The following GRIN2A variants were observed in gnomAD, a reference collection of about 807,000 sequenced individuals.
GRIN2A encodes glutamate ionotropic receptor NMDA type subunit 2A.
Under a neutral mutation model 113.4 loss-of-function variants are expected in GRIN2A, and 22 were observed. The observed-to-expected ratio is 0.19, with a 90% confidence interval of 0.14 to 0.28. The LOEUF (loss-of-function observed/expected upper bound fraction) is 0.28, where lower values mean the gene tolerates loss of function less well. GRIN2A is among the 10% of genes least tolerant of loss of function. GRIN2A has a pLI of 1.00. For synonymous variants in GRIN2A, 827 were observed against 738.4 expected (o/e 1.12, Z -1.94); for missense variants, 1,502 against 1,887.0 (o/e 0.80, Z 3.78).
At chr16:10,131,187 G>A (rs889785083) in intron 2 of GRIN2A, among the ~76,000 whole-genome samples, 1 of 152,176 alleles carries the variant, frequency 6.6e-6, no homozygotes, top group African/African-American at 2.4e-5. Flanking sequence ...GCATGCTGTG[G>A]GTGATCGATA....
At chr16:9,821,986 C>T (rs1002021037) in intron 10 of GRIN2A, among the ~76,000 whole-genome samples, 2 of 152,102 alleles carry the variant, frequency 1.3e-5, no homozygotes, top group African/African-American at 4.8e-5. Flanking sequence ...TTAAAATATC[C>T]TATGGAGTTG....
chr16:10,141,494 T>C (rs72776067), intron 2 of GRIN2A, among the ~76,000 whole-genome samples: 11,104 of 151,742 alleles, frequency 0.073, 605 homozygotes, highest in Non-Finnish European at 0.1. Flanking sequence ...TCTAAAAAAA[T>C]GAAATAAAAT....
intron 2 of GRIN2A, among the ~76,000 whole-genome samples, chr16:10,137,227 C>A (rs1375758827): frequency 6.6e-6 from 1 of 152,234 alleles, no homozygotes; most frequent in Non-Finnish European, 1.5e-5. Context: ...AAAGCCCCAA[C>A]AGCACATGCT....
chr16:9,803,344 T>G (rs1173666701), intron 10 of GRIN2A, among the ~76,000 whole-genome samples: 1 of 151,830 alleles, frequency 6.6e-6, no homozygotes, highest in Non-Finnish European at 1.5e-5. Flanking sequence ...GAGGCAGAAG[T>G]TGCAGTGAGC....
At chr16:10,083,993 T>G (rs2048035702) in intron 2 of GRIN2A, among the ~76,000 whole-genome samples, 1 of 152,076 alleles carries the variant, frequency 6.6e-6, no homozygotes, top group Non-Finnish European at 1.5e-5. Flanking sequence ...TCCCAGCTAC[T>G]TGGGGGTTGA....
chr16:9,853,537 A>G (rs1464475446), intron 4 of GRIN2A, among the ~76,000 whole-genome samples: 1 of 152,210 alleles, frequency 6.6e-6, no homozygotes, highest in African/African-American at 2.4e-5. Context: ...CCCAGTCTCC[A>G]GAAGCATGAG....
At chr16:9,853,276 C>T (rs1002799246) in intron 4 of GRIN2A, among the ~76,000 whole-genome samples, 1 of 152,138 alleles carries the variant, frequency 6.6e-6, no homozygotes, top group African/African-American at 2.4e-5. Context: ...TGAATATTTG[C>T]GTCCCTCCAA....
Position 9,764,051 on chromosome 16 carries a change from G to T in GRIN2A, c.3493C>A (p.Leu1165Met), listed in dbSNP as rs2141131675. Reference protein sequence around the residue: ...SENFRKGDSTLPMNRNPLHNE... With the variant: ...SENFRKGDSTMPMNRNPLHNE... ...TGCAAGGGGTTCCGGTTCATTGGCA[G>T]CGTGGAGTCCCCCTTGCGGAAGTTT... Residue 1165 changes from leucine (L) to methionine (M), a missense_variant, in exon 13 of 13, where the codon CTG becomes ATG. Physicochemically the swap from Leu to Met is conservative, Grantham distance 15 (BLOSUM62 2). Around this residue, in one of 7 missense-constraint regions of GRIN2A, gnomAD observed 832 missense variants for 789.7 expected, o/e 1.05. Coordinates refer to ENST00000330684, the MANE Select transcript of GRIN2A (RefSeq NM_001134407.3). The T allele has an allele frequency of 2.5e-6, 4 of 1,613,888 alleles. No individual in the cohort carries two copies. The highest frequency in any genetic ancestry group is 3.4e-6 in the Non-Finnish European group (4 of 1,179,808).
intron 3 of GRIN2A, among the ~76,000 whole-genome samples, chr16:9,926,473 G>A (rs1320958989): frequency 6.6e-6 from 1 of 152,180 alleles, no homozygotes; most frequent in African/African-American, 2.4e-5. Context: ...AAGCATATAG[G>A]ATAAGAGAGA....
chr16:10,003,362 T>C lies in GRIN2A; in HGVS notation c.415-64811A>G, dbSNP rs375230454. Among the ~76,000 whole-genome samples the C allele has an allele frequency of 7.4e-4, 112 of 152,238 alleles. 2 individuals carry two copies. The South Asian group carries it at 0.01, about 14-fold the overall frequency. Reference sequence around the variant, plus strand: ...AGGATTCCAGATAAGATATCTATTATGCAGGAAAAGGAAAAGACATCAAGA... The same window carrying C: ...AGGATTCCAGATAAGATATCTATTACGCAGGAAAAGGAAAAGACATCAAGA... On this transcript the variant is annotated intron_variant, in intron 2 of 12. Transcript: ENST00000330684.
In GRIN2A at chr16:9,769,106, A is replaced by G. The variant is rs768792059; in HGVS notation, c.2357-17T>C. The G allele has an allele frequency of 1.6e-5, 25 of 1,590,668 alleles. No homozygotes were observed. Among genetic ancestry groups the G allele is most frequent in the South Asian group, 7.7e-5 (7 of 90,608 alleles). On this transcript the variant is annotated splice_polypyrimidine_tract_variant and intron_variant, in intron 11 of 12. Transcript: ENST00000330684. ...CCATCTCACCTGGACAGATCACAAC[A>G]TTCACAGGCAGTGAGGACCAGAACA...
intron 2 of GRIN2A, among the ~76,000 whole-genome samples, chr16:10,038,582 G>C (rs1467405037): frequency 6.6e-6 from 1 of 151,944 alleles, no homozygotes; most frequent in Non-Finnish European, 1.5e-5. Flanking sequence ...GGTGGCTCAC[G>C]CCTGTAATCC....
intron 2 of GRIN2A, among the ~76,000 whole-genome samples, chr16:9,978,334 T>C (rs142596239): frequency 3.3e-5 from 5 of 152,264 alleles, no homozygotes; most frequent in African/African-American, 1.2e-4. Context: ...CTTGGGCAAG[T>C]CTTTTCACCT....
chr16:9,882,231 C>G (rs1413007210), intron 4 of GRIN2A, among the ~76,000 whole-genome samples: 2 of 152,118 alleles, frequency 1.3e-5, no homozygotes, highest in African/African-American at 4.8e-5. Context: ...GGAGCTATAG[C>G]ATTCTATAAT....
At chr16:10,040,565 C>T (rs1476373473) in intron 2 of GRIN2A, among the ~76,000 whole-genome samples, 3 of 110,136 alleles carry the variant, frequency 2.7e-5, no homozygotes, top group African/African-American at 3.5e-5. Context: ...CATACAAACC[C>T]ACATATTCAC....
intron 2 of GRIN2A, among the ~76,000 whole-genome samples, chr16:10,084,185 G>C (rs937431621): frequency 3.9e-5 from 6 of 152,174 alleles, no homozygotes; most frequent in African/African-American, 1.2e-4. Flanking sequence ...CATGTCTTCA[G>C]CACACAGTAA....
At chr16:10,110,468 A>C (rs922396391) in intron 2 of GRIN2A, among the ~76,000 whole-genome samples, 1 of 152,254 alleles carries the variant, frequency 6.6e-6, no homozygotes, top group African/African-American at 2.4e-5. Context: ...AATATGGAGA[A>C]GCAAGTGGCA....
chr16:10,032,784 G>C (rs1596445364), intron 2 of GRIN2A, among the ~76,000 whole-genome samples: 1 of 152,202 alleles, frequency 6.6e-6, no homozygotes, highest in Non-Finnish European at 1.5e-5. Context: ...CTGAGGCCCA[G>C]AGAGCTTTCA....
At chr16:10,067,646 A>G (rs1346627888) in intron 2 of GRIN2A, among the ~76,000 whole-genome samples, 1 of 152,084 alleles carries the variant, frequency 6.6e-6, no homozygotes, top group African/African-American at 2.4e-5. Flanking sequence ...AGCTGAGAGG[A>G]GTGGGGTGGG....
Sources: gnomAD v4.1 joint callset for allele counts (sites outside exome capture counted in the v4.1 genomes callset) on GRCh38, gnomAD v4.1.1 for gene constraint, gnomAD v4.1.1 regional missense constraint, MANE v1.5 for transcripts, NCBI Gene and HGNC (gene_info 2026-07-23, HGNC 2026-07-21) for gene names.